The following AP3M2 variants were observed in gnomAD, a reference collection of about 807,000 sequenced individuals.
AP3M2 encodes adaptor related protein complex 3 subunit mu 2.
A neutral mutation model predicts 41.6 loss-of-function variants in AP3M2; 28 were observed. The ratio of observed to expected loss-of-function variants is 0.67; its 90% CI spans 0.50 to 0.92. The LOEUF (loss-of-function observed/expected upper bound fraction) is 0.92. Ranked by LOEUF, AP3M2 falls within the 40% of genes least tolerant of loss-of-function variation. AP3M2 has a pLI of 0.00. For synonymous variants in AP3M2, 193 were observed against 186.4 expected (o/e 1.04, Z -0.29); for missense variants, 427 against 521.4 (o/e 0.82, Z 1.76).
chr8:42,167,310 G>T lies in AP3M2; in HGVS notation c.950G>T (p.Gly317Val), dbSNP rs185352782. The change falls in exon 7 of 9, where the codon GGG (glycine) becomes GTG (valine). Residue 317 changes from glycine to valine, a missense_variant. Around this residue, in one of 3 missense-constraint regions of AP3M2, gnomAD observed 237 missense variants for 284.9 expected, o/e 0.83. Transcript: ENST00000396926. ...GVTVTSQMPK[G>V]VLNMSLTPSQ... ...ACTGTCACCAGCCAGATGCCCAAGG[G>T]GGTCCTGAACATGAGCCTTACTCCA... 101 of 1,614,140 alleles carry T rather than the reference G, an allele frequency of 6.3e-5. 1 individual carries two copies. The Admixed American group carries it at 9.3e-4, about 15-fold the overall frequency.
At chr8:42,160,324 G>T (rs1210107917) in intron 3 of AP3M2, among the ~76,000 whole-genome samples, 6 of 152,196 alleles carry the variant, frequency 3.9e-5, no homozygotes, top group Non-Finnish European at 7.4e-5. Flanking sequence ...AGGTCATTGG[G>T]ATAAAATAGT....
chr8:42,155,590 G>A (rs566444769), intron 2 of AP3M2, among the ~76,000 whole-genome samples: 1 of 152,268 alleles, frequency 6.6e-6, no homozygotes, highest in African/African-American at 2.4e-5. Flanking sequence ...AACTTAGGGG[G>A]TGATGTCCAA....
intron 5 of AP3M2, 62 bp from the exon 6 acceptor site, chr8:42,165,365 T>A: frequency 6.3e-7 from 1 of 1,582,794 alleles, no homozygotes; most frequent in Non-Finnish European, 8.6e-7. Flanking sequence ...TAAATTGCTT[T>A]CCTGAAAGCA....
rs753042418 is a variant in AP3M2 at position 42,154,838 on chromosome 8, A to G, written c.151A>G (p.Thr51Ala). 1.3e-5 allele frequency: 21 copies of G among 1,613,720 alleles called. 1 individual carries two copies. Among genetic ancestry groups the G allele is most frequent in the South Asian group, 8.8e-5 (8 of 91,070 alleles). ...AGAAAATGTGCCTCCGGTTATCCCT[A>G]CCCCTCACCACTATCTCTTAAGTGT... is the stretch of plus-strand genomic sequence containing the variant. Reference protein sequence around the residue: ...EAENVPPVIPTPHHYLLSVYR... With the variant: ...EAENVPPVIPAPHHYLLSVYR... The change falls in exon 2 of 9, where the codon ACC becomes GCC. Residue 51 changes from threonine to alanine, a missense_variant. By Grantham distance (58) the Thr-to-Ala change is moderately conservative. This residue lies in a region of AP3M2 where 104 missense variants were observed against 93.8 expected (regional missense o/e 1.11). Transcript: ENST00000396926.
In AP3M2 at chr8:42,167,257, G is replaced by C; in HGVS notation, c.897G>C (p.Gln299His). The change falls in exon 7 of 9, where the codon CAG (glutamine) becomes CAC (histidine). Residue 299 changes from glutamine (Q) to histidine (H), a missense_variant. Transcript: ENST00000396926. ...TTGAAATAACGGTGGGACCCAAGCA[G>C]ACGATGGGGAAGACCATTGAGGGAG... ...GRFEITVGPK[Q>H]TMGKTIEGVT... is the part of the protein sequence containing the mutation. 6.2e-7 allele frequency: 1 copy of C among 1,614,126 alleles called. No homozygotes were observed. Among genetic ancestry groups the C allele is most frequent in the Non-Finnish European group, 8.5e-7 (1 of 1,180,030 alleles).
At chr8:42,154,480 A>T in intron 1 of AP3M2, 136 bp from the exon 2 acceptor site, 2 of 601,620 alleles carry the variant, frequency 3.3e-6, no homozygotes, top group South Asian at 2.3e-5. Context: ...AATTCAAGGG[A>T]GGGCTATCTT....
At chr8:42,162,249 G>A (rs746595048) in intron 3 of AP3M2, 32 bp from the exon 4 acceptor site, 1 of 1,588,354 alleles carries the variant, frequency 6.3e-7, no homozygotes, top group Non-Finnish European at 8.6e-7. Flanking sequence ...AGTCAAAATG[G>A]TGTTAAAATA....
Position 42,154,696 on chromosome 8 carries a change from T to C in AP3M2, c.9T>C (p.His3=). The change falls in exon 2 of 9, where the codon CAT becomes CAC. Residue 3 remains histidine (H), a synonymous_variant. Coordinates refer to ENST00000396926, the MANE Select transcript of AP3M2 (RefSeq NM_006803.4). The part of the protein sequence containing the change: MI[H]SLFLINSSGD... ...CACTGACAATCGCCACCATGATCCA[T>C]AGTCTTTTCTTGATCAACTCCTCTG... 6.2e-7 allele frequency: 1 copy of C among 1,613,944 alleles called. No homozygotes were observed. The highest frequency in any genetic ancestry group is 8.5e-7 in the Non-Finnish European group (1 of 1,179,940).
chr8:42,157,983 G>A lies in AP3M2; in HGVS notation c.316G>A (p.Val106Ile). 1 of 1,614,160 alleles carries A rather than the reference G, an allele frequency of 6.2e-7. No homozygotes were observed. Among genetic ancestry groups the A allele is most frequent in the Non-Finnish European group, 8.5e-7 (1 of 1,180,010 alleles). ...TTCAGAGCCAGTGATCAAAGACAAT[G>A]TAGTTGTGGTTTATGAGGTATTGGA... ...VCSEPVIKDN[V>I]VVVYEVLEEM... The change falls in exon 3 of 9, where the codon GTA becomes ATA. Residue 106 changes from valine (V) to isoleucine (I), a missense_variant. By Grantham distance (29) the Val-to-Ile change is conservative. Transcript: ENST00000396926.
Position 42,162,364 on chromosome 8 carries a change from A to C in AP3M2, c.529A>C (p.Asn177His). The C allele has an allele frequency of 6.2e-7, 1 of 1,613,674 alleles. No individual in the cohort carries two copies. Among genetic ancestry groups the C allele is most frequent in the South Asian group, 1.1e-5 (1 of 91,008 alleles). The stretch of plus-strand genomic sequence containing the variant: ...ACGGACTGGGGTGAAATATACCAAC[A>C]ATGAGGCCTATTTTGATGTGATTGA... ...WRRTGVKYTNNEAYFDVIEEI... is the reference protein window; with the variant it reads ...WRRTGVKYTNHEAYFDVIEEI... Residue 177 changes from asparagine (N) to histidine (H), a missense_variant, in exon 4 of 9, where the codon AAT (asparagine) becomes CAT (histidine). Coordinates refer to ENST00000396926, the MANE Select transcript of AP3M2 (RefSeq NM_006803.4).
chr8:42,163,390 G>A (rs1241151098), intron 4 of AP3M2, among the ~76,000 whole-genome samples: 1 of 152,212 alleles, frequency 6.6e-6, no homozygotes, highest in Non-Finnish European at 1.5e-5. Flanking sequence ...TCATAGCACA[G>A]TGCTAGATAG....
chr8:42,157,330 T>C (rs947228563), intron 2 of AP3M2, among the ~76,000 whole-genome samples: 1 of 152,228 alleles, frequency 6.6e-6, no homozygotes, highest in Non-Finnish European at 1.5e-5. Context: ...GACAAAATTA[T>C]AATCCAGGTC....
chr8:42,165,118 A>G lies in AP3M2; in HGVS notation c.631A>G (p.Lys211Glu). The G allele has an allele frequency of 1.2e-6, 2 of 1,614,080 alleles. No homozygotes were observed. The highest frequency in any genetic ancestry group is 1.7e-6 in the Non-Finnish European group (2 of 1,180,002). The change falls in exon 5 of 9, where the codon AAG becomes GAG. Residue 211 changes from lysine to glutamate, a missense_variant. This residue lies in a region of AP3M2 where 237 missense variants were observed against 284.9 expected (regional missense o/e 0.83). Coordinates refer to ENST00000396926, the MANE Select transcript of AP3M2 (RefSeq NM_006803.4). ...CCAGGGGGTGATTGATGCCTGTGTC[A>G]AGCTGACTGGCATGCCAGACCTTAC... is the stretch of plus-strand genomic sequence containing the variant. ...EIQGVIDACV[K>E]LTGMPDLTLS... is the part of the protein sequence containing the mutation.
chr8:42,169,195 T>C lies in AP3M2; in HGVS notation c.*134T>C, dbSNP rs1804727182. 3 of 635,118 alleles carry C rather than the reference T, an allele frequency of 4.7e-6. No homozygotes were observed. The highest frequency in any genetic ancestry group is 6.8e-5 in the Admixed American group (2 of 29,398). 39.3% of individuals were successfully genotyped at this position (635,118 alleles called of 1,614,324 possible). ...ACCCGCTCCCTTTTTTCCTTAGCCTTCAGTGCCATGGAACTAATCAAGGGA... is the reference window on the plus strand; with the variant it reads ...ACCCGCTCCCTTTTTTCCTTAGCCTCCAGTGCCATGGAACTAATCAAGGGA... On this transcript the variant is annotated 3_prime_UTR_variant, in exon 9 of 9. Transcript: ENST00000396926.
chr8:42,168,952 C>T lies in AP3M2; in HGVS notation c.1157-9C>T, dbSNP rs762675846. On this transcript the variant is annotated splice_polypyrimidine_tract_variant and intron_variant, in intron 8 of 8. Transcript: ENST00000396926. ...TCATGTCTATTTTCCCTCTCTCCCT[C>T]CTTTCTAGGACTCAAGGTGAATCGT... 13 of 1,589,302 alleles carry T rather than the reference C, an allele frequency of 8.2e-6. No homozygotes were observed. Among genetic ancestry groups the T allele is most frequent in the African/African-American group, 6.8e-5 (5 of 73,342 alleles).
intron 4 of AP3M2, among the ~76,000 whole-genome samples, chr8:42,163,381 C>G (rs571726296): frequency 6.6e-6 from 1 of 152,304 alleles, no homozygotes; most frequent in South Asian, 2.1e-4. Flanking sequence ...AAACTTGCAT[C>G]ATAGCACAGT....
chr8:42,162,209 AC>A (rs1388537309), intron 3 of AP3M2, 71 bp from the exon 4 acceptor site: 19 of 1,433,982 alleles, frequency 1.3e-5, no homozygotes, highest in Admixed American at 2.4e-5. Context: ...GAGCATAGAA[AC>A]TTCTAGGGAG....
At chr8:42,164,942 G>A in intron 4 of AP3M2, 129 bp from the exon 5 acceptor site, 1 of 707,698 alleles carries the variant, frequency 1.4e-6, no homozygotes, top group Non-Finnish European at 2.3e-6. Flanking sequence ...GAAAGGGAGA[G>A]AGAGGAAGGG....
Position 42,165,537 on chromosome 8 carries a change from G to A in AP3M2, c.780G>A (p.Leu260=), listed in dbSNP as rs761463685. ...CTCCTGATGGAAACTTCCGCCTGCT[G>A]TCTTACCATGTCAGTGCACAGAAGT... ...FIPPDGNFRL[L]SYHVSAQNLV... The change falls in exon 6 of 9, where the codon CTG becomes CTA. Residue 260 remains leucine, a synonymous_variant. Coordinates refer to ENST00000396926, the MANE Select transcript of AP3M2 (RefSeq NM_006803.4). The A allele has an allele frequency of 8.1e-6, 13 of 1,614,120 alleles. No homozygotes were observed. The highest frequency in any genetic ancestry group is 2.2e-5 in the East Asian group (1 of 44,886).
Sources: gnomAD v4.1 joint callset for allele counts (sites outside exome capture counted in the v4.1 genomes callset) on GRCh38, gnomAD v4.1.1 for gene constraint, gnomAD v4.1.1 regional missense constraint, MANE v1.5 for transcripts, NCBI Gene and HGNC (gene_info 2026-07-23, HGNC 2026-07-21) for gene names.